The following CTDSPL2 variants were observed in gnomAD, a reference collection of about 807,000 sequenced individuals.
The protein encoded by CTDSPL2 is CTD small phosphatase like 2.
Under a neutral mutation model 60.0 loss-of-function variants are expected in CTDSPL2, and 5 were observed. That is an observed-to-expected ratio of 0.08 (90% CI 0.04 to 0.18). The LOEUF (loss-of-function observed/expected upper bound fraction) is 0.18, where lower values mean the gene tolerates loss of function less well. CTDSPL2 is among the 10% of genes least tolerant of loss of function. CTDSPL2 has a pLI of 1.00. For synonymous variants in CTDSPL2, 186 were observed against 189.3 expected (o/e 0.98, Z 0.14); for missense variants, 370 against 548.8 (o/e 0.67, Z 3.26).
intron 2 of CTDSPL2, among the ~76,000 whole-genome samples, chr15:44,470,033 G>A (rs566772570): frequency 1.3e-5 from 2 of 148,348 alleles, no homozygotes; most frequent in East Asian, 4.0e-4. Flanking sequence ...GGGAGGCGGA[G>A]CTTGCAGTGA....
chr15:44,471,700 A>G (rs1221936249), intron 2 of CTDSPL2, among the ~76,000 whole-genome samples: 1 of 152,176 alleles, frequency 6.6e-6, no homozygotes, highest in Non-Finnish European at 1.5e-5. Context: ...ACATGCACAG[A>G]ATTGTGCAAC....
At chr15:44,435,971 T>A (rs17586255) in intron 1 of CTDSPL2, among the ~76,000 whole-genome samples, 1 of 152,042 alleles carries the variant, frequency 6.6e-6, no homozygotes, top group Non-Finnish European at 1.5e-5. Flanking sequence ...TGATTTTTTT[T>A]CTTAGGTGAC....
intron 10 of CTDSPL2, among the ~76,000 whole-genome samples, chr15:44,515,140 G>C (rs561401213): frequency 1.3e-5 from 2 of 152,246 alleles, no homozygotes; most frequent in East Asian, 1.9e-4. Context: ...ATTTTTCCAC[G>C]TTGTGCATGA....
chr15:44,512,713 C>T (rs116793517), intron 8 of CTDSPL2, among the ~76,000 whole-genome samples: 3,906 of 152,248 alleles, frequency 0.026, 128 homozygotes, highest in African/African-American at 0.074. Flanking sequence ...TCATCCTAAA[C>T]GATGGTGATT....
rs563184821 is a variant in CTDSPL2, at chr15:44,496,267, C to T, written c.692-113C>T. ...GCTTTTAGGTGTTTACAAGTTATTT[C>T]TGTCTTTAAAATACACAAGGCTTTA... On this transcript the variant is annotated intron_variant, in intron 5 of 12. Transcript: ENST00000260327. 5.3e-5 allele frequency: 37 copies of T among 695,950 alleles called. 1 individual carries two copies. In the African/African-American group the frequency reaches 6.8e-4, roughly 13 times the overall value. 43.1% of individuals were successfully genotyped at this position (695,950 alleles called of 1,614,324 possible). A position where few individuals can be genotyped will look rare whatever the true frequency, so the allele number is the denominator to read the frequency against.
intron 8 of CTDSPL2, among the ~76,000 whole-genome samples, chr15:44,509,742 A>G (rs769719868): frequency 1.8e-4 from 28 of 151,720 alleles, no homozygotes; most frequent in Non-Finnish European, 3.4e-4. Flanking sequence ...CCTTGCTGAC[A>G]TGTCAAAACC....
chr15:44,482,007 G>C (rs1049461801), intron 2 of CTDSPL2, among the ~76,000 whole-genome samples: 1 of 152,212 alleles, frequency 6.6e-6, no homozygotes, highest in African/African-American at 2.4e-5. Context: ...CAGCAGCCCT[G>C]CTGGCTTAAA....
At chr15:44,464,589 T>C (rs80284003) in intron 2 of CTDSPL2, among the ~76,000 whole-genome samples, 3 of 152,340 alleles carry the variant, frequency 2.0e-5, no homozygotes, top group East Asian at 1.9e-4. Context: ...TCTTGACTTA[T>C]AGATGGCTGC....
chr15:44,480,100 A>G (rs2080998361), intron 2 of CTDSPL2, among the ~76,000 whole-genome samples: 1 of 152,084 alleles, frequency 6.6e-6, no homozygotes, highest in South Asian at 2.1e-4. Context: ...AAGTATGGAA[A>G]CTTGTTCTAG....
At position 44,474,487 on chromosome 15, in the gene CTDSPL2, C is replaced by T. The variant is rs201865894; in HGVS notation, c.187-9737C>T. Among the ~76,000 whole-genome samples, 8 of 151,700 alleles carry T rather than the reference C, an allele frequency of 5.3e-5. No homozygotes were observed. The East Asian group carries it at 1.6e-3, about 30-fold the overall frequency. On this transcript the variant is annotated intron_variant, in intron 2 of 12. Transcript: ENST00000260327. ...CTTGGGTAACAAAGTGAGACTCTGT[C>T]GTCTTTGTTTTAAAAAAGAAGAAAG...
chr15:44,461,077 A>G (rs2080557258), intron 2 of CTDSPL2, among the ~76,000 whole-genome samples: 1 of 152,180 alleles, frequency 6.6e-6, no homozygotes, highest in Non-Finnish European at 1.5e-5. Context: ...CAGGGCAGCT[A>G]TTTCTAGTTT....
chr15:44,484,497 G>T, intron 3 of CTDSPL2, 135 bp downstream of exon 3: 1 of 811,730 alleles, frequency 1.2e-6, no homozygotes, highest in East Asian at 2.8e-5. Flanking sequence ...CATTTTGGGA[G>T]GCCGAGGTCG....
At chr15:44,468,610 G>A (rs1025266731) in intron 2 of CTDSPL2, among the ~76,000 whole-genome samples, 3 of 152,040 alleles carry the variant, frequency 2.0e-5, no homozygotes, top group Non-Finnish European at 4.4e-5. Context: ...AAATATTTCA[G>A]GTAAGAAATA....
chr15:44,459,246 G>A, intron 2 of CTDSPL2, 46 bp downstream of exon 2: 2 of 1,437,448 alleles, frequency 1.4e-6, no homozygotes, highest in Non-Finnish European at 1.9e-6. Flanking sequence ...AGTGAAAATT[G>A]GCCGGGCACG....
At chr15:44,481,607 C>G (rs2081027996) in intron 2 of CTDSPL2, among the ~76,000 whole-genome samples, 1 of 152,192 alleles carries the variant, frequency 6.6e-6, no homozygotes, top group Admixed American at 6.5e-5. Flanking sequence ...GAGTTTCACT[C>G]TTGTTGCCTA....
At position 44,528,803 on chromosome 15, in the gene CTDSPL2, A is replaced by G. The variant is rs2081906167; in HGVS notation, c.*4629A>G. 1 of 152,204 alleles carries G rather than the reference A, an allele frequency of 6.6e-6. No homozygotes were observed. The allele number at this position is 152,204 out of a possible 1,614,324, so 9.4% of individuals were successfully genotyped here. On this transcript the variant is annotated 3_prime_UTR_variant, in exon 13 of 13. Coordinates refer to ENST00000260327, the MANE Select transcript of CTDSPL2 (RefSeq NM_016396.3). Reference sequence around the variant, plus strand: ...TCATCTTTTGAAATGGGATTTTTCAAGGCAGTGTCCTTTTGGCATTAAGGT... The same window carrying G: ...TCATCTTTTGAAATGGGATTTTTCAGGGCAGTGTCCTTTTGGCATTAAGGT...
At chr15:44,470,547 G>C (rs1382487033) in intron 2 of CTDSPL2, 3 of 151,536 alleles carry the variant, frequency 2.0e-5, no homozygotes, top group Admixed American at 6.6e-5. Context: ...TCCTGGATTC[G>C]AGCAGTTCTC....
chr15:44,491,027 C>A, intron 5 of CTDSPL2, 28 bp downstream of exon 5: 2 of 1,495,610 alleles, frequency 1.3e-6, no homozygotes, highest in East Asian at 2.3e-5. Context: ...TCTTATACAT[C>A]TTCATGAGTA....
chr15:44,523,058 G>A (rs754314390), intron 12 of CTDSPL2, among the ~76,000 whole-genome samples: 18 of 151,966 alleles, frequency 1.2e-4, no homozygotes, highest in South Asian at 2.1e-4. Flanking sequence ...GTGCAGTGGC[G>A]CAATCTCGGC....
Sources: gnomAD v4.1 joint callset for allele counts (sites outside exome capture counted in the v4.1 genomes callset) on GRCh38, gnomAD v4.1.1 for gene constraint, MANE v1.5 for transcripts, NCBI Gene and HGNC (gene_info 2026-07-23, HGNC 2026-07-21) for gene names.